Variants in CLSTN2 observed in about 807,000 individuals in gnomAD.
CLSTN2 encodes the protein calsyntenin-2.
Under a neutral mutation model 101.2 loss-of-function variants are expected in CLSTN2, and 48 were observed. The observed-to-expected ratio is 0.47, with a 90% CI of 0.38 to 0.60. The LOEUF is 0.60. Ranked by LOEUF, CLSTN2 falls within the 20% of genes least tolerant of loss-of-function variation. CLSTN2 has a pLI of 0.00. For synonymous variants in CLSTN2, 481 were observed against 463.6 expected, an observed-to-expected ratio of 1.04 and a Z score of -0.48; for missense variants, 1,160 against 1,238.2, an observed-to-expected ratio of 0.94 and a Z score of 0.95.
At chr3:140,201,005 G>A (rs986613395) in intron 2 of CLSTN2, among the ~76,000 whole-genome samples, 1 of 152,176 alleles carries the variant, frequency 6.6e-6, no homozygotes, top group African/African-American at 2.4e-5. Flanking sequence ...AGTCAGGGAG[G>A]TTGACCTCAA....
intron 2 of CLSTN2, among the ~76,000 whole-genome samples, chr3:140,248,237 G>A (rs984311742): frequency 1.3e-5 from 2 of 152,228 alleles, no homozygotes; most frequent in Non-Finnish European, 2.9e-5. Flanking sequence ...TATAGGAAAA[G>A]CCAAAGGGGC....
rs190833468 is a variant in CLSTN2, at chr3:140,535,027, A to G, written c.1507+2541A>G. 2.9e-4 allele frequency among the ~76,000 whole-genome samples: 44 copies of G among 152,364 alleles called. 1 individual carries two copies. The East Asian group carries it at 7.9e-3, about 27-fold the overall frequency. On this transcript the variant is annotated intron_variant, in intron 9 of 16. Transcript: ENST00000458420. ...TGCACAGAGGCCTACAGCAGGCCAC[A>G]TAGTAGCTGCACTTGATGTGGAGAC...
intron 2 of CLSTN2, among the ~76,000 whole-genome samples, chr3:140,277,296 A>T (rs1156873975): frequency 1.3e-5 from 2 of 152,132 alleles, no homozygotes; most frequent in South Asian, 2.1e-4. Flanking sequence ...GAGCTGAGTT[A>T]CTTCCCCTAA....
At chr3:140,096,306 GT>G (rs1334972126) in intron 1 of CLSTN2, among the ~76,000 whole-genome samples, 2 of 152,134 alleles carry the variant, frequency 1.3e-5, no homozygotes, top group Non-Finnish European at 2.9e-5. Context: ...TGCAAATCAT[GT>G]TCTGCTTAGA....
intron 1 of CLSTN2, among the ~76,000 whole-genome samples, chr3:140,141,236 C>G (rs1458500852): frequency 1.3e-5 from 2 of 152,200 alleles, no homozygotes; most frequent in Non-Finnish European, 2.9e-5. Flanking sequence ...GTCCCTGGAC[C>G]TGGACTTTGT....
intron 2 of CLSTN2, among the ~76,000 whole-genome samples, chr3:140,289,328 G>GTTT (rs60116021): frequency 6.6e-6 from 1 of 150,490 alleles, no homozygotes; most frequent in Admixed American, 6.6e-5. Context: ...ATGGTTTTGT[G>GTTT]TTTTTTTTTG....
At chr3:140,081,777 G>T (rs911126865) in intron 1 of CLSTN2, among the ~76,000 whole-genome samples, 1 of 152,102 alleles carries the variant, frequency 6.6e-6, no homozygotes. Context: ...ACTGGATTTA[G>T]CATCACTCTA....
At chr3:139,998,354 T>C (rs2107746349) in intron 1 of CLSTN2, among the ~76,000 whole-genome samples, 1 of 119,568 alleles carries the variant, frequency 8.4e-6, no homozygotes, top group East Asian at 2.4e-4. Context: ...TTTTTTTTTT[T>C]TTGTGACGGA....
chr3:140,100,528 C>T (rs1252871099), intron 1 of CLSTN2, among the ~76,000 whole-genome samples: 2 of 152,186 alleles, frequency 1.3e-5, no homozygotes, highest in South Asian at 4.1e-4. Context: ...TGTGGGATTC[C>T]CTTAAGTTCT....
chr3:140,291,818 C>T (rs1001518), intron 2 of CLSTN2, among the ~76,000 whole-genome samples: 8,013 of 152,000 alleles, frequency 0.053, 283 homozygotes, highest in East Asian at 0.12. Context: ...CCAACCACTC[C>T]AACTCAGAAT....
chr3:140,457,974 A>G (rs1933446131), intron 6 of CLSTN2, among the ~76,000 whole-genome samples: 2 of 152,198 alleles, frequency 1.3e-5, no homozygotes, highest in African/African-American at 4.8e-5. Flanking sequence ...TGAGAAGCAG[A>G]GCATCTGGGT....
intron 2 of CLSTN2, among the ~76,000 whole-genome samples, chr3:140,241,651 G>A (rs955509790): frequency 5.3e-5 from 8 of 151,788 alleles, no homozygotes; most frequent in Admixed American, 2.6e-4. Context: ...GTATACCAAG[G>A]ATTGTGCTGG....
intron 2 of CLSTN2, among the ~76,000 whole-genome samples, chr3:140,186,586 G>A (rs2010488409): frequency 6.6e-6 from 1 of 152,170 alleles, no homozygotes. Context: ...TGTAATCACA[G>A]ATGAGGCATC....
chr3:140,402,519 T>C (rs1260525714), intron 2 of CLSTN2, among the ~76,000 whole-genome samples: 1 of 152,212 alleles, frequency 6.6e-6, no homozygotes, highest in Non-Finnish European at 1.5e-5. Context: ...AGAGCAAGCA[T>C]GCAATCATCT....
chr3:140,248,751 A>G (rs773668996), intron 2 of CLSTN2, among the ~76,000 whole-genome samples: 16 of 152,200 alleles, frequency 1.1e-4, no homozygotes, highest in Non-Finnish European at 2.2e-4. Context: ...CTTTCATAAT[A>G]TGTTTGAAGA....
intron 1 of CLSTN2, among the ~76,000 whole-genome samples, chr3:140,153,248 C>G (rs2009896100): frequency 6.6e-6 from 1 of 152,218 alleles, no homozygotes; most frequent in Non-Finnish European, 1.5e-5. Context: ...AGTGGAGGAA[C>G]AAGTACACCC....
intron 2 of CLSTN2, among the ~76,000 whole-genome samples, chr3:140,360,703 C>T (rs779231651): frequency 4.6e-5 from 7 of 151,998 alleles, no homozygotes; most frequent in Non-Finnish European, 8.8e-5. Flanking sequence ...AAATAAAACA[C>T]TGGGGGAATA....
intron 8 of CLSTN2, among the ~76,000 whole-genome samples, chr3:140,531,501 G>T (rs747039299): frequency 3.3e-5 from 5 of 152,122 alleles, no homozygotes; most frequent in Non-Finnish European, 5.9e-5. Context: ...GCCACAGATG[G>T]CAGAGTCGAT....
chr3:140,018,606 T>TA (rs1171093578), intron 1 of CLSTN2, among the ~76,000 whole-genome samples: 1 of 152,104 alleles, frequency 6.6e-6, no homozygotes, highest in Admixed American at 6.6e-5. Context: ...AGAAAGTAGG[T>TA]AGTCTGTGGG....
Sources: gnomAD v4.1 joint callset for allele counts (sites outside exome capture counted in the v4.1 genomes callset) on GRCh38, gnomAD v4.1.1 for gene constraint, MANE v1.5 for transcripts, NCBI Gene and HGNC (gene_info 2026-07-23, HGNC 2026-07-21) for gene names.